DHX57: variants seen among roughly 807,000 people sequenced by gnomAD.
DHX57 encodes the protein putative ATP-dependent RNA helicase DHX57.
A neutral mutation model predicts 156.2 loss-of-function variants in DHX57; 105 were observed. That is an observed-to-expected ratio of 0.67 (90% CI 0.57 to 0.79). DHX57 has a LOEUF of 0.79. Among genes scored for constraint, DHX57 ranks in the 30% least tolerant of loss-of-function variants. The pLI, the probability that DHX57 is intolerant of heterozygous loss-of-function variation, is 0.00. For missense variants in DHX57, 1,847 were observed against 1,661.9 expected (o/e 1.11, Z -1.94); for synonymous variants, 704 against 595.6 (o/e 1.18, Z -2.65).
rs954574206 is a variant in DHX57 at position 38,861,616 on chromosome 2, T to C, written c.794A>G (p.Glu265Gly). The C allele has an allele frequency of 1.2e-6, 2 of 1,614,196 alleles. No homozygotes were observed. The highest frequency in any genetic ancestry group is 2.7e-5 in the African/African-American group (2 of 75,054). The change falls in exon 5 of 24, where the codon GAA becomes GGA. Residue 265 changes from glutamate to glycine, a missense_variant. Glu to Gly is a moderately conservative substitution (Grantham distance 98). Transcript: ENST00000457308. ...LKSICGEKFI[E>G]RIQNRVWTIG... is the part of the protein sequence containing the mutation. ...GGTCCAGACTCTGTTCTGAATTCTTTCTATAAATTTTTCTCCACAGATGGA... is the reference window on the plus strand; with the variant it reads ...GGTCCAGACTCTGTTCTGAATTCTTCCTATAAATTTTTCTCCACAGATGGA...
In DHX57 at chr2:38,868,282, C is replaced by T. The variant is rs768334404; in HGVS notation, c.124G>A (p.Gly42Ser). Residue 42 changes from glycine to serine, a missense_variant, in exon 2 of 24, where the codon GGT becomes AGT. Physicochemically the swap from Gly to Ser is moderately conservative, Grantham distance 56 (BLOSUM62 0). Transcript: ENST00000457308. ...TTGCCGCCACCTCCACCACCACCACCACCGCCACCGCCACCACTCCCATGA... is the reference window on the plus strand; with the variant it reads ...TTGCCGCCACCTCCACCACCACCACTACCGCCACCGCCACCACTCCCATGA... ...KSHGSGGGGG[G>S]GGGGGGGNRK... is the part of the protein sequence containing the mutation. The T allele has an allele frequency of 6.2e-7, 1 of 1,613,918 alleles. No homozygotes were observed.
chr2:38,823,421 A>C (rs958083948), intron 16 of DHX57, 152 bp from the exon 17 acceptor site: 40 of 795,566 alleles, frequency 5.0e-5, no homozygotes, highest in Non-Finnish European at 7.1e-5. Flanking sequence ...AACCACAAAA[A>C]CACTTTCAGA....
intron 22 of DHX57, among the ~76,000 whole-genome samples, chr2:38,805,217 G>C (rs1433140058): frequency 6.6e-6 from 1 of 152,160 alleles, no homozygotes; most frequent in East Asian, 1.9e-4. Context: ...AGGCTGAAAA[G>C]GCAGATGACC....
chr2:38,850,832 T>C (rs1468258066), intron 9 of DHX57, among the ~76,000 whole-genome samples: 1 of 152,092 alleles, frequency 6.6e-6, no homozygotes, highest in Non-Finnish European at 1.5e-5. Flanking sequence ...CCCAGCACTT[T>C]GGGAGGCCAA....
chr2:38,838,342 C>T (rs1221971057), intron 12 of DHX57, among the ~76,000 whole-genome samples: 1 of 152,140 alleles, frequency 6.6e-6, no homozygotes, highest in Non-Finnish European at 1.5e-5. Flanking sequence ...CTAAGGCAGT[C>T]CTCCTGCCTC....
Position 38,826,056 on chromosome 2 carries a change from A to T in DHX57, c.2814-9T>A. On this transcript the variant is annotated splice_polypyrimidine_tract_variant and intron_variant, in intron 15 of 23. Coordinates refer to ENST00000457308, the MANE Select transcript of DHX57 (RefSeq NM_198963.3). ...CTTTGCTGGCATCATATCTATAAAG[A>T]AAAAGAAAATATAAATTGAGTCATT... 3.7e-6 allele frequency: 6 copies of T among 1,611,328 alleles called. No homozygotes were observed. Among genetic ancestry groups the T allele is most frequent in the Non-Finnish European group, 5.1e-6 (6 of 1,178,294 alleles).
intron 21 of DHX57, among the ~76,000 whole-genome samples, chr2:38,807,117 C>T (rs1186468221): frequency 3.3e-5 from 5 of 151,522 alleles, no homozygotes; most frequent in East Asian, 1.9e-4. Flanking sequence ...TGCACTGGTG[C>T]GATCTCGGCT....
chr2:38,842,213 C>T (rs1274173913), intron 12 of DHX57, among the ~76,000 whole-genome samples: 2 of 152,118 alleles, frequency 1.3e-5, no homozygotes, highest in Non-Finnish European at 2.9e-5. Flanking sequence ...AAATACTAAA[C>T]CCAAATGGAT....
rs149038414 is a variant in DHX57 at position 38,872,607 on chromosome 2, T to C, written c.-7+3180A>G. On this transcript the variant is annotated intron_variant, in intron 1 of 23. Transcript: ENST00000457308. ...ATGTTAATAGCTTACAAAACAGACTTTAAAGCAAAAAATATTACTAGAGAT... is the reference window on the plus strand; with the variant it reads ...ATGTTAATAGCTTACAAAACAGACTCTAAAGCAAAAAATATTACTAGAGAT... 1.0e-3 allele frequency among the ~76,000 whole-genome samples: 156 copies of C among 152,278 alleles called. 1 individual carries two copies. The highest frequency in any genetic ancestry group is 3.4e-3 in the African/African-American group (141 of 41,564).
At chr2:38,875,267 C>T (rs991676096) in intron 1 of DHX57, among the ~76,000 whole-genome samples, 1 of 152,324 alleles carries the variant, frequency 6.6e-6, no homozygotes, top group South Asian at 2.1e-4. Context: ...ATACAGGGAC[C>T]TAAGTTTGGC....
intron 17 of DHX57, among the ~76,000 whole-genome samples, chr2:38,819,454 G>A (rs1294509503): frequency 6.6e-6 from 1 of 152,202 alleles, no homozygotes; most frequent in East Asian, 1.9e-4. Context: ...GGCATTATAG[G>A]CATGAGCCAC....
At chr2:38,856,587 T>A in intron 6 of DHX57, 126 bp from the exon 7 acceptor site, 1 of 1,249,358 alleles carries the variant, frequency 8.0e-7, no homozygotes, top group Non-Finnish European at 1.1e-6. Context: ...CACTCCAATC[T>A]GCACTTCCCA....
In DHX57 at chr2:38,811,006, G is replaced by C. The variant is rs1027452098; in HGVS notation, c.3681+2815C>G. Reference sequence around the variant, plus strand: ...AGGGACCCCTTTTTTACTCAGTCTTGAAAATGTTGGGGGTGTTGGGGGCTT... The same window carrying C: ...AGGGACCCCTTTTTTACTCAGTCTTCAAAATGTTGGGGGTGTTGGGGGCTT... On this transcript the variant is annotated intron_variant, in intron 21 of 23. Coordinates refer to ENST00000457308, the MANE Select transcript of DHX57 (RefSeq NM_198963.3). 8 of 744,732 alleles carry C rather than the reference G, an allele frequency of 1.1e-5. No individual in the cohort carries two copies. In the African/African-American group the frequency reaches 1.2e-4, roughly 11 times the overall value. 46.1% of individuals were successfully genotyped at this position (744,732 alleles called of 1,614,324 possible).
chr2:38,863,584 G>C, intron 2 of DHX57, 65 bp from the exon 3 acceptor site: 1 of 1,507,900 alleles, frequency 6.6e-7, no homozygotes, highest in Non-Finnish European at 9.0e-7. Context: ...ACTCTCCTCA[G>C]GGGTCCCCAG....
intron 1 of DHX57, among the ~76,000 whole-genome samples, chr2:38,870,757 T>C (rs1005203309): frequency 6.6e-6 from 1 of 152,138 alleles, no homozygotes; most frequent in African/African-American, 2.4e-5. Flanking sequence ...CACACACCTG[T>C]AGTCCCAGCT....
chr2:38,841,122 C>G (rs1671969987), intron 12 of DHX57, among the ~76,000 whole-genome samples: 1 of 152,230 alleles, frequency 6.6e-6, no homozygotes, highest in African/African-American at 2.4e-5. Context: ...CATGCCCAAC[C>G]TCAAAGGAAT....
intron 5 of DHX57, among the ~76,000 whole-genome samples, chr2:38,859,386 G>A (rs1229234029): frequency 6.6e-6 from 1 of 152,204 alleles, no homozygotes; most frequent in African/African-American, 2.4e-5. Context: ...AGGGGAAAAT[G>A]AGGAGAGACT....
chr2:38,812,831 C>A (rs1670325604), intron 21 of DHX57, among the ~76,000 whole-genome samples: 1 of 82,638 alleles, frequency 1.2e-5, no homozygotes, highest in Admixed American at 1.3e-4. Context: ...TCGTGCCTGT[C>A]CCTTATTTAC....
At chr2:38,841,817 A>G (rs1672022840) in intron 12 of DHX57, among the ~76,000 whole-genome samples, 1 of 152,236 alleles carries the variant, frequency 6.6e-6, no homozygotes, top group African/African-American at 2.4e-5. Flanking sequence ...AAGACCACAT[A>G]GGAACAAAGA....
Sources: gnomAD v4.1 joint callset for allele counts (sites outside exome capture counted in the v4.1 genomes callset) on GRCh38, gnomAD v4.1.1 for gene constraint, MANE v1.5 for transcripts, NCBI Gene and HGNC (gene_info 2026-07-23, HGNC 2026-07-21) for gene names.